Variants in TCF25 observed in about 807,000 individuals in gnomAD.
The protein encoded by TCF25 is ribosome quality control complex subunit TCF25.
Under a neutral mutation model 83.1 loss-of-function variants are expected in TCF25, and 41 were observed. The observed-to-expected ratio is 0.49, with a 90% CI of 0.38 to 0.64. TCF25 has a LOEUF of 0.64. Among genes scored for constraint, TCF25 ranks in the 30% least tolerant of loss-of-function variants. TCF25 has a pLI of 0.00. For missense variants in TCF25, 979 were observed against 914.5 expected, an observed-to-expected ratio of 1.07 and a Z score of -0.91; for synonymous variants, 458 against 365.0, an observed-to-expected ratio of 1.25 and a Z score of -2.90.
Position 89,884,590 on chromosome 16 carries a change from A to C in TCF25, c.363A>C (p.Ala121=). The change falls in exon 3 of 18, where the codon GCA becomes GCC. Residue 121 remains alanine, a synonymous_variant. Coordinates refer to ENST00000263346, the MANE Select transcript of TCF25 (RefSeq NM_014972.3). The stretch of plus-strand genomic sequence containing the variant: ...TGTGTTTCTATCATTAGTCTCATGC[A>C]AGTGGCAAACTCCGGAAGAAGAAAA... ...TETVPSEQSH[A]SGKLRKKKKK... 1 of 1,613,892 alleles carries C rather than the reference A, an allele frequency of 6.2e-7. No homozygotes were observed. The highest frequency in any genetic ancestry group is 8.5e-7 in the Non-Finnish European group (1 of 1,179,868).
Position 89,906,228 on chromosome 16 carries a change from A to G in TCF25, c.1663A>G (p.Ile555Val). The G allele has an allele frequency of 1.2e-6, 2 of 1,613,362 alleles. No individual in the cohort carries two copies. Among genetic ancestry groups the G allele is most frequent in the Non-Finnish European group, 1.7e-6 (2 of 1,179,990 alleles). ...KVLYQRAPRN[I>V]HRHVILSEIK... is the part of the protein sequence containing the mutation. ...GCTCTACCAGCGTGCACCCAGGAAT[A>G]TCCACCGCCATGTGATCCTCTCTGA... The change falls in exon 15 of 18, where the codon ATC becomes GTC. Residue 555 changes from isoleucine to valine, a missense_variant. Physicochemically the swap from Ile to Val is conservative, Grantham distance 29. Transcript: ENST00000263346.
chr16:89,907,215 C>T, intron 15 of TCF25, 28 bp from the exon 16 acceptor site: 1 of 1,610,380 alleles, frequency 6.2e-7, no homozygotes, highest in Non-Finnish European at 8.5e-7. Flanking sequence ...GCATCTGTAG[C>T]ATCTTCGTTT....
intron 4 of TCF25, among the ~76,000 whole-genome samples, chr16:89,886,575 C>T (rs1326984622): frequency 1.3e-5 from 2 of 151,986 alleles, no homozygotes; most frequent in African/African-American, 4.8e-5. Context: ...CCAGCCTGAC[C>T]AAGATGGAGA....
At position 89,892,982 on chromosome 16, in the gene TCF25, C is replaced by G. The variant is rs962978499; in HGVS notation, c.697+707C>G. On this transcript the variant is annotated intron_variant, in intron 6 of 17. Transcript: ENST00000263346. The stretch of plus-strand genomic sequence containing the variant: ...GTGCCGGAGATTGCCTGCATACATT[C>G]TGTAAGGACACATCTAGGAGCGAGG... Among the ~76,000 whole-genome samples the G allele has an allele frequency of 3.3e-5, 5 of 152,370 alleles. 1 individual carries two copies. Among genetic ancestry groups the G allele is most frequent in the South Asian group, 4.1e-4 (2 of 4,832 alleles).
chr16:89,907,758 C>T lies in TCF25; in HGVS notation c.1799+436C>T, dbSNP rs141108531. On this transcript the variant is annotated intron_variant, in intron 16 of 17. Coordinates refer to ENST00000263346, the MANE Select transcript of TCF25 (RefSeq NM_014972.3). ...CTCCCGCCTCCCACCTTCCAGCTCC[C>T]GCCTCCCTCCTCCCAGTTCCCACCT... Among the ~76,000 whole-genome samples, 323 of 111,574 alleles carry T rather than the reference C, an allele frequency of 2.9e-3. 25 individuals are homozygous for T. The highest frequency in any genetic ancestry group is 0.014 in the African/African-American group (287 of 21,256). The allele number at this position is 111,574 out of a possible 152,430, so 73.2% of individuals were successfully genotyped here. A position where few individuals can be genotyped will look rare whatever the true frequency, so the allele number is the denominator to read the frequency against.
intron 16 of TCF25, chr16:89,909,260 C>A (rs1381359148): frequency 3.5e-6 from 3 of 848,290 alleles, no homozygotes; most frequent in African/African-American, 1.8e-5. Context: ...GCCTGTAATT[C>A]CAGCAGTTTG....
At chr16:89,885,295 G>A (rs2042919747) in intron 3 of TCF25, among the ~76,000 whole-genome samples, 1 of 152,142 alleles carries the variant, frequency 6.6e-6, no homozygotes, top group South Asian at 2.1e-4. Context: ...ACTGGTTGGC[G>A]CTCTGCTCTG....
At chr16:89,883,838 C>T (rs186007592) in intron 2 of TCF25, 3 of 264,792 alleles carry the variant, frequency 1.1e-5, no homozygotes, top group East Asian at 7.3e-5. Context: ...TAGCCGACCG[C>T]GCACGTGTGT....
rs552461256 is a variant in TCF25, at chr16:89,873,603, C to G, written c.-65C>G. The G allele has an allele frequency of 9.1e-5, 126 of 1,377,194 alleles. 1 individual carries two copies. The South Asian group carries it at 1.8e-3, about 20-fold the overall frequency. The allele number at this position is 1,377,194 out of a possible 1,614,324, so 85.3% of individuals were successfully genotyped here. ...ACCCCGCGCGAAGAGTGCGCAGGCG[C>G]GCCGACAGCCGAGTTTTCTGCGCTT... On this transcript the variant is annotated 5_prime_UTR_variant, in exon 1 of 18. Coordinates refer to ENST00000263346, the MANE Select transcript of TCF25 (RefSeq NM_014972.3).
intron 1 of TCF25, chr16:89,874,869 C>T (rs1355928105): frequency 6.6e-6 from 1 of 152,060 alleles, no homozygotes; most frequent in East Asian, 1.9e-4. Context: ...CCACCTCAGC[C>T]TCACAAAGTG....
At chr16:89,880,110 T>C (rs1181253609) in intron 1 of TCF25, among the ~76,000 whole-genome samples, 1 of 152,148 alleles carries the variant, frequency 6.6e-6, no homozygotes, top group African/African-American at 2.4e-5. Context: ...CCCGGGCCTA[T>C]CATGTGTGCT....
chr16:89,884,235 G>A (rs540563875), intron 2 of TCF25, among the ~76,000 whole-genome samples: 16 of 152,278 alleles, frequency 1.1e-4, no homozygotes, highest in African/African-American at 3.1e-4. Flanking sequence ...ATACAGGTGC[G>A]GTGTGAGGCG....
chr16:89,903,697 C>T (rs1049111393), intron 12 of TCF25, among the ~76,000 whole-genome samples: 2 of 151,504 alleles, frequency 1.3e-5, no homozygotes, highest in Admixed American at 1.3e-4. Flanking sequence ...ATCCCAGCTA[C>T]TCGGGAGGCT....
intron 4 of TCF25, 47 bp downstream of exon 4, chr16:89,886,013 C>CTTCTCTGCGGCTGCCT: frequency 6.6e-7 from 1 of 1,513,466 alleles, no homozygotes; most frequent in Non-Finnish European, 9.1e-7. Flanking sequence ...TGCGGCTGCC[C>CTTCTCTGCGGCTGCCT]TTCTCTGCGG....
rs1251837757 is a variant in TCF25, at chr16:89,895,122, G to T, written c.913G>T (p.Ala305Ser). ...ACRFQEDQEMARDLVERALYS... is the reference protein window; with the variant it reads ...ACRFQEDQEMSRDLVERALYS... ...CCGCTTTCAAGAGGATCAGGAGATG[G>T]CTCGAGACCTCGTAGGTAAGGCAGA... Residue 305 changes from alanine to serine, a missense_variant, in exon 8 of 18, where the codon GCT (alanine) becomes TCT (serine). Coordinates refer to ENST00000263346, the MANE Select transcript of TCF25 (RefSeq NM_014972.3). The T allele has an allele frequency of 8.1e-6, 13 of 1,612,554 alleles. No homozygotes were observed. Among genetic ancestry groups the T allele is most frequent in the Non-Finnish European group, 1.1e-5 (13 of 1,179,520 alleles).
chr16:89,907,301 ACTC>A lies in TCF25; in HGVS notation c.1781_1783del (p.Ser594del), dbSNP rs1310366443. The A allele has an allele frequency of 1.3e-6, 2 of 1,579,770 alleles. No homozygotes were observed. The highest frequency in any genetic ancestry group is 1.7e-6 in the Non-Finnish European group (2 of 1,162,590). On this transcript the variant is annotated inframe_deletion, in exon 16 of 18. Transcript: ENST00000263346. ...CCTCTGCCTCCTTCGGACACAATCT[ACTC>A]CTACGTCAGGCCAGAGAGGTACCTC...
rs776343453 is a variant in TCF25 at position 89,904,159 on chromosome 16, G to A, written c.1423G>A (p.Ala475Thr). The change falls in exon 13 of 18, where the codon GCC becomes ACC. Residue 475 changes from alanine to threonine, a missense_variant. By Grantham distance (58) the Ala-to-Thr change is moderately conservative (BLOSUM62 0). Transcript: ENST00000263346. Reference sequence around the variant, plus strand: ...CGAGTCTTGCAGTGTGCGGCCCGACGCCAGCGTTTCCAGTCACCGCTTCTT... The same window carrying A: ...CGAGTCTTGCAGTGTGCGGCCCGACACCAGCGTTTCCAGTCACCGCTTCTT... ...LLESCSVRPD[A>T]SVSSHRFFGP... The A allele has an allele frequency of 5.0e-6, 8 of 1,604,528 alleles. No homozygotes were observed. The South Asian group carries it at 6.7e-5, about 14-fold the overall frequency.
At chr16:89,900,512 G>A in intron 11 of TCF25, 123 bp from the exon 12 acceptor site, 1 of 1,133,914 alleles carries the variant, frequency 8.8e-7, no homozygotes, top group Non-Finnish European at 1.2e-6. Flanking sequence ...AGAGGCCCTT[G>A]CGTTGCCTGC....
chr16:89,873,637 C>A lies in TCF25; in HGVS notation c.-31C>A, dbSNP rs369986838. On this transcript the variant is annotated 5_prime_UTR_variant, in exon 1 of 18. Coordinates refer to ENST00000263346, the MANE Select transcript of TCF25 (RefSeq NM_014972.3). ...CCGAGTTTTCTGCGCTTCCTTCTCC[C>A]TCTCTCCAGACGTCGTGGTCGTTCG... is the stretch of plus-strand genomic sequence containing the variant. The A allele has an allele frequency of 2.0e-6, 3 of 1,505,420 alleles. No homozygotes were observed. Among genetic ancestry groups the A allele is most frequent in the Admixed American group, 4.7e-5 (2 of 42,296 alleles). The allele number at this position is 1,505,420 out of a possible 1,614,324, so 93.3% of individuals were successfully genotyped here.
Sources: allele counts gnomAD v4.1 joint callset (sites outside exome capture counted in the v4.1 genomes callset), GRCh38; gene constraint gnomAD v4.1.1; transcripts MANE v1.5; gene names NCBI Gene and HGNC (gene_info 2026-07-23, HGNC 2026-07-21).